The following ALOX5AP variants were observed in gnomAD, a reference collection of about 807,000 sequenced individuals.
ALOX5AP encodes the protein arachidonate 5-lipoxygenase-activating protein.
ALOX5AP carries 9 observed loss-of-function variants against 18.5 expected under a neutral mutation model. The ratio of observed to expected loss-of-function variants is 0.49; its 90% CI spans 0.29 to 0.85. The LOEUF is 0.85. ALOX5AP is among the 40% of genes least tolerant of loss of function. ALOX5AP has a pLI of 0.08. For synonymous variants in ALOX5AP, 81 were observed against 78.6 expected (o/e 1.03, Z -0.16); for missense variants, 172 against 202.5 (o/e 0.85, Z 0.91).
At chr13:30,740,342 T>G (rs1177101032) in intron 1 of ALOX5AP, among the ~76,000 whole-genome samples, 1 of 152,106 alleles carries the variant, frequency 6.6e-6, no homozygotes, top group African/African-American at 2.4e-5. Flanking sequence ...AGCAGTGGAG[T>G]GATTGATAAC....
At chr13:30,757,544 T>A (rs1468671734) in intron 4 of ALOX5AP, among the ~76,000 whole-genome samples, 1 of 152,288 alleles carries the variant, frequency 6.6e-6, no homozygotes, top group South Asian at 2.1e-4. Context: ...GATTACCTCG[T>A]TAAGAGTGGG....
chr13:30,736,794 A>C (rs1171071092), intron 1 of ALOX5AP, among the ~76,000 whole-genome samples: 2 of 152,226 alleles, frequency 1.3e-5, no homozygotes, highest in African/African-American at 4.8e-5. Flanking sequence ...ACTAAATTAC[A>C]CACAACAAAG....
intron 2 of ALOX5AP, among the ~76,000 whole-genome samples, chr13:30,750,111 G>A (rs868784208): frequency 1.3e-5 from 2 of 152,190 alleles, no homozygotes; most frequent in South Asian, 4.1e-4. Flanking sequence ...AAGGCCTGAG[G>A]TGGGTGTGAA....
Position 30,756,291 on chromosome 13 carries a change from G to A in ALOX5AP, c.323+266G>A, listed in dbSNP as rs550287447. 1.1e-3 allele frequency among the ~76,000 whole-genome samples: 168 copies of A among 152,246 alleles called. 1 individual carries two copies. Among genetic ancestry groups the A allele is most frequent in the South Asian group, 7.2e-3 (35 of 4,830 alleles). Reference sequence around the variant, plus strand: ...TTCAAAGGGTGCTTCAGTGCTGTTTGCTGCACGTGCCTTGCAGCCCCACAC... The same window carrying A: ...TTCAAAGGGTGCTTCAGTGCTGTTTACTGCACGTGCCTTGCAGCCCCACAC... On this transcript the variant is annotated intron_variant, in intron 4 of 4. Transcript: ENST00000380490.
intron 3 of ALOX5AP, among the ~76,000 whole-genome samples, chr13:30,753,119 A>T (rs557727521): frequency 2.4e-4 from 36 of 152,210 alleles, no homozygotes; most frequent in Non-Finnish European, 5.1e-4. Context: ...AGCTGGCAAG[A>T]TGGACCACAG....
chr13:30,744,175 G>A lies in ALOX5AP; in HGVS notation c.170+16G>A. 2 of 1,610,768 alleles carry A rather than the reference G, an allele frequency of 1.2e-6. No homozygotes were observed. Among genetic ancestry groups the A allele is most frequent in the Middle Eastern group, 1.7e-4 (1 of 6,038 alleles). ...ACACTGCCAAGTGAGTCCTAACCCT[G>A]ATGTTGCTAATAAGTGGGGGCATGG... On this transcript the variant is annotated intron_variant, in intron 2 of 4. Coordinates refer to ENST00000380490, the MANE Select transcript of ALOX5AP (RefSeq NM_001629.4).
At chr13:30,735,467 G>C, upstream of ALOX5AP, 1 of 911,930 alleles carries the variant, frequency 1.1e-6, no homozygotes, top group Non-Finnish European at 1.6e-6. Context: ...AAAGGAAGAA[G>C]AAGGCACTGT....
At chr13:30,743,214 A>G (rs1951781574) in intron 1 of ALOX5AP, among the ~76,000 whole-genome samples, 1 of 151,980 alleles carries the variant, frequency 6.6e-6, no homozygotes, top group African/African-American at 2.4e-5. Context: ...ATTGAGGCTC[A>G]CGACCCCACC....
chr13:30,713,841 GGTGT>G lies in ALOX5AP; in HGVS notation c.116+12_116+15del. 7.0e-7 allele frequency: 1 copy of G among 1,438,526 alleles called. No individual in the cohort carries two copies. The highest frequency in any genetic ancestry group is 1.5e-5 in the African/African-American group (1 of 66,462). The allele number at this position is 1,438,526 out of a possible 1,614,324, so 89.1% of individuals were successfully genotyped here. ...ATTGGGAACATAAGCCATCAGTGCT[GGTGT>G]GTGTGTGTGTGCGCGCACACGCGCA... On this transcript the variant is annotated splice_donor_variant and splice_donor_region_variant and intron_variant, in intron 1 of 5. Coordinates refer to the ALOX5AP transcript ENST00000617770. LOFTEE classifies it high-confidence loss of function.
At chr13:30,735,296 C>A (rs1253567736), upstream of ALOX5AP, among the ~76,000 whole-genome samples, 3 of 152,066 alleles carry the variant, frequency 2.0e-5, no homozygotes, top group Non-Finnish European at 4.4e-5. Flanking sequence ...GTCCAGGATT[C>A]ATTCTGGAGA....
At chr13:30,727,056 T>A (rs1951644716) in intron 1 of ALOX5AP, among the ~76,000 whole-genome samples, 1 of 56,772 alleles carries the variant, frequency 1.8e-5, no homozygotes, top group Non-Finnish European at 3.4e-5. Flanking sequence ...AAGCATGATT[T>A]TGCCTTTTTT....
intron 2 of ALOX5AP, among the ~76,000 whole-genome samples, chr13:30,745,248 T>G (rs1232035737): frequency 6.6e-6 from 1 of 152,176 alleles, no homozygotes; most frequent in Non-Finnish European, 1.5e-5. Context: ...TTCAGTGAGG[T>G]GTAGGCATGA....
intron 4 of ALOX5AP, among the ~76,000 whole-genome samples, 186 bp from the exon 5 acceptor site, chr13:30,763,758 T>A (rs1201550820): frequency 6.6e-6 from 1 of 152,126 alleles, no homozygotes; most frequent in Non-Finnish European, 1.5e-5. Context: ...TTGAAATAAG[T>A]TCAATGACTA....
chr13:30,734,419 T>G (rs940942588), upstream of ALOX5AP, among the ~76,000 whole-genome samples: 2 of 152,230 alleles, frequency 1.3e-5, no homozygotes, highest in Admixed American at 6.5e-5. Flanking sequence ...CAGTGGTCCA[T>G]GTTCCCTTTC....
Position 30,754,846 on chromosome 13 carries a change from G to A in ALOX5AP, c.242-1098G>A, listed in dbSNP as rs570488642. On this transcript the variant is annotated intron_variant, in intron 3 of 4. Coordinates refer to ENST00000380490, the MANE Select transcript of ALOX5AP (RefSeq NM_001629.4). ...TTGTGGCCTAAGCCTAAATTTCCTC[G>A]TCTGTCAAATGGTGACAGTAACACA... is the stretch of plus-strand genomic sequence containing the variant. Among the ~76,000 whole-genome samples, 16 of 152,304 alleles carry A rather than the reference G, an allele frequency of 1.1e-4. No homozygotes were observed. The South Asian group carries it at 2.3e-3, about 22-fold the overall frequency.
intron 1 of ALOX5AP, among the ~76,000 whole-genome samples, chr13:30,718,794 G>A (rs1002452277): frequency 3.9e-5 from 6 of 152,130 alleles, no homozygotes; most frequent in Non-Finnish European, 7.3e-5. Context: ...CTTGACCTTT[G>A]AGGTCATGAC....
chr13:30,719,263 T>C (rs993580358), intron 1 of ALOX5AP, among the ~76,000 whole-genome samples: 1 of 152,192 alleles, frequency 6.6e-6, no homozygotes, highest in Admixed American at 6.5e-5. Context: ...TAGAAAACAT[T>C]CCATAAAAGT....
At chr13:30,715,070 G>A (rs1370694373) in intron 1 of ALOX5AP, among the ~76,000 whole-genome samples, 1 of 152,110 alleles carries the variant, frequency 6.6e-6, no homozygotes, top group Non-Finnish European at 1.5e-5. Flanking sequence ...CCTTCTCCAG[G>A]TCAATATGTG....
At chr13:30,732,212 C>A (rs1951687216), upstream of ALOX5AP, among the ~76,000 whole-genome samples, 1 of 152,166 alleles carries the variant, frequency 6.6e-6, no homozygotes, top group African/African-American at 2.4e-5. Flanking sequence ...CCTTCTAAAG[C>A]GCGAATGGCT....
Sources: gnomAD v4.1 joint callset for allele counts (sites outside exome capture counted in the v4.1 genomes callset) on GRCh38, gnomAD v4.1.1 for gene constraint, MANE v1.5 for transcripts, NCBI Gene and HGNC (gene_info 2026-07-23, HGNC 2026-07-21) for gene names.